ARHGAP15: variants seen among roughly 807,000 people sequenced by gnomAD.
The protein encoded by ARHGAP15 is Rho GTPase activating protein 15.
A neutral mutation model predicts 63.7 loss-of-function variants in ARHGAP15; 51 were observed. The observed-to-expected ratio is 0.80, with a 90% CI of 0.64 to 1.01. The LOEUF (loss-of-function observed/expected upper bound fraction) is 1.01. Among genes scored for constraint, ARHGAP15 ranks in the 50% least tolerant of loss-of-function variants. The pLI is 0.00. For missense variants in ARHGAP15, 560 were observed against 564.6 expected (o/e 0.99, Z 0.08); for synonymous variants, 191 against 193.8 (o/e 0.99, Z 0.12).
Position 143,256,752 on chromosome 2 carries a change from G to A in ARHGAP15, c.474+6152G>A, listed in dbSNP as rs541055043. 1.1e-3 allele frequency among the ~76,000 whole-genome samples: 163 copies of A among 152,020 alleles called. 1 individual carries two copies. The highest frequency in any genetic ancestry group is 3.8e-3 in the African/African-American group (159 of 41,498). Reference sequence around the variant, plus strand: ...TCACACAGATTTTGCACAGAGGGAGGCATAAAATTTTATAATTAGAGATTT... The same window carrying A: ...TCACACAGATTTTGCACAGAGGGAGACATAAAATTTTATAATTAGAGATTT... On this transcript the variant is annotated intron_variant, in intron 6 of 13. Coordinates refer to ENST00000295095, the MANE Select transcript of ARHGAP15 (RefSeq NM_018460.4).
chr2:143,184,625 A>G (rs903343097), intron 2 of ARHGAP15, among the ~76,000 whole-genome samples: 1 of 151,264 alleles, frequency 6.6e-6, no homozygotes, highest in African/African-American at 2.4e-5. Context: ...GACATTTTGG[A>G]GGTAGGTAAA....
At chr2:143,341,264 C>T (rs1487664072) in intron 6 of ARHGAP15, among the ~76,000 whole-genome samples, 1 of 152,084 alleles carries the variant, frequency 6.6e-6, no homozygotes, top group Admixed American at 6.6e-5. Flanking sequence ...AGCCCCTGAA[C>T]CATAGCCTAC....
intron 6 of ARHGAP15, among the ~76,000 whole-genome samples, chr2:143,397,289 T>C (rs2104985823): frequency 6.6e-6 from 1 of 151,128 alleles, no homozygotes; most frequent in African/African-American, 2.4e-5. Flanking sequence ...GAAAGACAAA[T>C]ATGGACAATA....
chr2:143,621,771 C>T (rs961873860), intron 11 of ARHGAP15, among the ~76,000 whole-genome samples: 4 of 152,082 alleles, frequency 2.6e-5, no homozygotes, highest in South Asian at 2.1e-4. Flanking sequence ...TCACTATGTT[C>T]GATTTTCATG....
chr2:143,713,601 G>A (rs7582935), intron 13 of ARHGAP15, among the ~76,000 whole-genome samples: 42,803 of 151,948 alleles, frequency 0.28, 6,724 homozygotes, highest in Non-Finnish European at 0.36. Context: ...GACAAGGCAC[G>A]TCACTTCTGC....
At chr2:143,447,152 C>A (rs1325787544) in intron 8 of ARHGAP15, among the ~76,000 whole-genome samples, 2 of 152,042 alleles carry the variant, frequency 1.3e-5, no homozygotes, top group Non-Finnish European at 2.9e-5. Context: ...CAGTAATGGG[C>A]TGGGTAAAAT....
intron 1 of ARHGAP15, among the ~76,000 whole-genome samples, chr2:143,131,409 A>T (rs1312791089): frequency 6.6e-6 from 1 of 152,196 alleles, no homozygotes; most frequent in South Asian, 2.1e-4. Flanking sequence ...TATTAAAGCT[A>T]ATTTGCTCAA....
chr2:143,162,630 TA>T (rs1690343303), intron 2 of ARHGAP15, among the ~76,000 whole-genome samples: 1 of 152,050 alleles, frequency 6.6e-6, no homozygotes, highest in South Asian at 2.1e-4. Flanking sequence ...ACCTTCTAAT[TA>T]AAAAAGGTTA....
chr2:143,748,950 A>T (rs1428160595), intron 13 of ARHGAP15, among the ~76,000 whole-genome samples: 3 of 152,198 alleles, frequency 2.0e-5, no homozygotes, highest in Non-Finnish European at 2.9e-5. Context: ...AAGGCAAAGT[A>T]TATCATAGAA....
chr2:143,536,844 G>A (rs1450512876), intron 10 of ARHGAP15, among the ~76,000 whole-genome samples: 6 of 151,992 alleles, frequency 3.9e-5, no homozygotes, highest in African/African-American at 1.5e-4. Context: ...ACGTGTGCAT[G>A]TGTCTTTATA....
At chr2:143,251,964 T>C (rs902041155) in intron 6 of ARHGAP15, among the ~76,000 whole-genome samples, 6 of 152,092 alleles carry the variant, frequency 3.9e-5, no homozygotes, top group Non-Finnish European at 8.8e-5. Flanking sequence ...TCTAGCCTTA[T>C]GACAACTTAG....
At chr2:143,495,266 A>T (rs1692766041) in intron 9 of ARHGAP15, among the ~76,000 whole-genome samples, 1 of 152,112 alleles carries the variant, frequency 6.6e-6, no homozygotes. Context: ...ATTATGACCA[A>T]GATGGCCCTA....
intron 6 of ARHGAP15, among the ~76,000 whole-genome samples, chr2:143,433,835 A>T (rs927753715): frequency 6.6e-6 from 1 of 152,122 alleles, no homozygotes; most frequent in Non-Finnish European, 1.5e-5. Flanking sequence ...GTCTTTGTGT[A>T]TGTTAACAAA....
In ARHGAP15 at chr2:143,632,231, A is replaced by T. The variant is rs184056668; in HGVS notation, c.1138+7964A>T. Among the ~76,000 whole-genome samples the T allele has an allele frequency of 2.6e-5, 4 of 152,072 alleles. No individual in the cohort carries two copies. The East Asian group carries it at 7.7e-4, about 29-fold the overall frequency. ...ATTTTCCATTATTAGAATGCAATCAATGCTAACTCCGTGATCAAAAACAAT... is the reference window on the plus strand; with the variant it reads ...ATTTTCCATTATTAGAATGCAATCATTGCTAACTCCGTGATCAAAAACAAT... On this transcript the variant is annotated intron_variant, in intron 12 of 13. Coordinates refer to ENST00000295095, the MANE Select transcript of ARHGAP15 (RefSeq NM_018460.4).
chr2:143,349,944 C>A (rs995977875), intron 6 of ARHGAP15, among the ~76,000 whole-genome samples: 1 of 152,104 alleles, frequency 6.6e-6, no homozygotes, highest in East Asian at 1.9e-4. Context: ...TTGAGTCCAC[C>A]ATTTCAATTT....
At chr2:143,433,349 A>T (rs1166627144) in intron 6 of ARHGAP15, among the ~76,000 whole-genome samples, 1 of 152,066 alleles carries the variant, frequency 6.6e-6, no homozygotes, top group Non-Finnish European at 1.5e-5. Context: ...ACTTCTCCAG[A>T]CTGCCTGGTA....
intron 9 of ARHGAP15, among the ~76,000 whole-genome samples, chr2:143,511,566 T>C (rs1421673924): frequency 7.5e-6 from 1 of 133,490 alleles, no homozygotes; most frequent in Non-Finnish European, 1.6e-5. Context: ...GGAAGTGTTC[T>C]TTTTTGTTTG....
At chr2:143,317,597 C>T (rs554741970) in intron 6 of ARHGAP15, among the ~76,000 whole-genome samples, 1 of 152,154 alleles carries the variant, frequency 6.6e-6, no homozygotes, top group Admixed American at 6.5e-5. Flanking sequence ...AACAGCATAC[C>T]TGTGGAATTG....
intron 6 of ARHGAP15, among the ~76,000 whole-genome samples, chr2:143,337,046 A>G (rs12691675): frequency 0.77 from 116,683 of 151,746 alleles, 47,614 homozygotes; most frequent in East Asian, 0.98. Context: ...AACCTCCAAG[A>G]CATGCAGGTA....
Sources: gnomAD v4.1 joint callset for allele counts (sites outside exome capture counted in the v4.1 genomes callset) on GRCh38, gnomAD v4.1.1 for gene constraint, MANE v1.5 for transcripts, NCBI Gene and HGNC (gene_info 2026-07-23, HGNC 2026-07-21) for gene names.